MAP3K13: variants seen among roughly 807,000 people sequenced by gnomAD.
The protein encoded by MAP3K13 is leucine zipper-bearing kinase.
Under a neutral mutation model 104.0 loss-of-function variants are expected in MAP3K13, and 52 were observed. That is an observed-to-expected ratio of 0.50 (90% CI 0.40 to 0.63). The LOEUF is 0.63. Among genes scored for constraint, MAP3K13 ranks in the 20% least tolerant of loss-of-function variants. The pLI, the probability that MAP3K13 is intolerant of heterozygous loss-of-function variation, is 0.00. For missense variants in MAP3K13, 914 were observed against 1,218.5 expected, an observed-to-expected ratio of 0.75 and a Z score of 3.72; for synonymous variants, 394 against 442.2, an observed-to-expected ratio of 0.89 and a Z score of 1.37.
chr3:185,391,215 C>T (rs1712035067), intron 1 of MAP3K13, among the ~76,000 whole-genome samples: 1 of 152,164 alleles, frequency 6.6e-6, no homozygotes, highest in African/African-American at 2.4e-5. Context: ...ACCCATTAAC[C>T]AGTAACTCCC....
At chr3:185,310,424 G>C (rs1007611092) in intron 2 of MAP3K13, among the ~76,000 whole-genome samples, 6 of 152,150 alleles carry the variant, frequency 3.9e-5, no homozygotes, top group African/African-American at 1.4e-4. Flanking sequence ...CCCAGACCCA[G>C]AGATGACTCA....
At chr3:185,442,284 A>G (rs183228591) in intron 3 of MAP3K13, among the ~76,000 whole-genome samples, 13 of 151,904 alleles carry the variant, frequency 8.6e-5, no homozygotes, top group Non-Finnish European at 1.8e-4. Context: ...CCTCCCTCCA[A>G]CCTTGTTACG....
intron 1 of MAP3K13, among the ~76,000 whole-genome samples, chr3:185,380,489 G>T (rs1380418497): frequency 7.5e-6 from 1 of 132,458 alleles, no homozygotes; most frequent in Non-Finnish European, 1.5e-5. Context: ...CCAGCCTGGC[G>T]ACAGAGCGAG....
intron 2 of MAP3K13, among the ~76,000 whole-genome samples, chr3:185,290,346 T>C (rs1720687924): frequency 6.6e-6 from 1 of 152,204 alleles, no homozygotes; most frequent in South Asian, 2.1e-4. Context: ...TATAATATTT[T>C]AGTGCGTGCT....
intron 2 of MAP3K13, among the ~76,000 whole-genome samples, chr3:185,326,970 A>G (rs1424730432): frequency 6.6e-6 from 1 of 152,196 alleles, no homozygotes; most frequent in Non-Finnish European, 1.5e-5. Flanking sequence ...AAGTACCTGT[A>G]TTATTTTTCT....
intron 1 of MAP3K13, among the ~76,000 whole-genome samples, chr3:185,368,900 G>A (rs1304101192): frequency 2.6e-5 from 4 of 151,342 alleles, no homozygotes; most frequent in Admixed American, 6.6e-5. Flanking sequence ...CAGAGGTTGC[G>A]GTGAGCCGAG....
rs1717377284 is a variant in MAP3K13 at position 185,465,780 on chromosome 3, G to A, written c.1422G>A (p.Arg474=). The change falls in exon 9 of 14, where the codon CGG becomes CGA. Residue 474 remains arginine, a synonymous_variant. Coordinates refer to ENST00000265026, the MANE Select transcript of MAP3K13 (RefSeq NM_004721.5). The stretch of plus-strand genomic sequence containing the variant: ...TGGATATTCGTGAACACTATGAGCG[G>A]AAGCTTGAGCGGGCGAATAATTTAT... ...HALDIREHYE[R]KLERANNLYM... is the part of the protein sequence containing the mutation. 6.2e-7 allele frequency: 1 copy of A among 1,613,998 alleles called. No individual in the cohort carries two copies. The highest frequency in any genetic ancestry group is 1.3e-5 in the African/African-American group (1 of 74,936).
At chr3:185,392,273 C>A (rs1356245567) in intron 1 of MAP3K13, among the ~76,000 whole-genome samples, 2 of 152,088 alleles carry the variant, frequency 1.3e-5, no homozygotes, top group African/African-American at 4.8e-5. Flanking sequence ...CAGAGGAGAT[C>A]ATTAAAGAGC....
chr3:185,317,101 T>C (rs9827366), intron 2 of MAP3K13, among the ~76,000 whole-genome samples: 118,216 of 152,126 alleles, frequency 0.78, 46,484 homozygotes, highest in Non-Finnish European at 0.84. Flanking sequence ...GTGCCCTTCA[T>C]GTCAACTTCT....
chr3:185,451,194 T>C, intron 6 of MAP3K13, 93 bp from the exon 7 acceptor site: 1 of 840,226 alleles, frequency 1.2e-6, no homozygotes, highest in South Asian at 1.7e-5. Flanking sequence ...ATAGCCATTT[T>C]GAAGTAAACA....
At chr3:185,323,057 CTATT>C (rs1432971063) in intron 2 of MAP3K13, among the ~76,000 whole-genome samples, 1 of 151,792 alleles carries the variant, frequency 6.6e-6, no homozygotes, top group Non-Finnish European at 1.5e-5. Flanking sequence ...AAAAGTCTAT[CTATT>C]GTTTTAATAA....
chr3:185,480,163 G>A, intron 12 of MAP3K13, 69 bp from the exon 13 acceptor site: 3 of 1,434,028 alleles, frequency 2.1e-6, no homozygotes, highest in Non-Finnish European at 2.9e-6. Flanking sequence ...CCACTACTAT[G>A]AGTGACAGAT....
chr3:185,309,227 A>G (rs923290211), intron 2 of MAP3K13, among the ~76,000 whole-genome samples: 1 of 152,172 alleles, frequency 6.6e-6, no homozygotes, highest in Non-Finnish European at 1.5e-5. Context: ...AAAAAGATTG[A>G]GGCTGGATGC....
rs1424607217 is a variant in MAP3K13 at position 185,455,169 on chromosome 3, GAGATATATATGATATATA to G, written c.1278+3775_1278+3792del. Among the ~76,000 whole-genome samples the G allele has an allele frequency of 6.0e-3, 286 of 47,510 alleles. 10 individuals are homozygous for G. The highest frequency in any genetic ancestry group is 0.011 in the Non-Finnish European group (218 of 19,434). 31.2% of individuals were successfully genotyped at this position (47,510 alleles called of 152,430 possible). ...TATGTGAGATATATATGATATATAT[GAGATATATATGATATATA>G]TGAGATATATATATGATATATATGA... On this transcript the variant is annotated intron_variant, in intron 7 of 13. Transcript: ENST00000265026.
intron 2 of MAP3K13, among the ~76,000 whole-genome samples, chr3:185,295,047 G>A (rs1017521859): frequency 1.3e-5 from 2 of 151,742 alleles, no homozygotes; most frequent in Non-Finnish European, 2.9e-5. Context: ...TAATCTTTTT[G>A]GTCCTCCAAT....
intron 1 of MAP3K13, among the ~76,000 whole-genome samples, chr3:185,367,227 T>TA (rs892983271): frequency 6.6e-6 from 1 of 151,956 alleles, no homozygotes; most frequent in Non-Finnish European, 1.5e-5. Flanking sequence ...CCAGGGAACT[T>TA]AAAAAAAATA....
At chr3:185,343,521 T>G (rs945654317) in intron 2 of MAP3K13, among the ~76,000 whole-genome samples, 1 of 152,138 alleles carries the variant, frequency 6.6e-6, no homozygotes, top group African/African-American at 2.4e-5. Context: ...GGTGTGATCT[T>G]GGGTCACTGC....
At chr3:185,311,946 T>A (rs535108070) in intron 2 of MAP3K13, among the ~76,000 whole-genome samples, 1 of 152,354 alleles carries the variant, frequency 6.6e-6, no homozygotes, top group African/African-American at 2.4e-5. Context: ...GCTTCACGTA[T>A]CAACATAGAT....
intron 2 of MAP3K13, among the ~76,000 whole-genome samples, chr3:185,295,682 A>G (rs567313310): frequency 1.5e-5 from 1 of 64,708 alleles, no homozygotes; most frequent in African/African-American, 4.8e-5. Context: ...TCATTCTGTC[A>G]TAAATCACCC....
Sources: gnomAD v4.1 joint callset for allele counts (sites outside exome capture counted in the v4.1 genomes callset) on GRCh38, gnomAD v4.1.1 for gene constraint, MANE v1.5 for transcripts, NCBI Gene and HGNC (gene_info 2026-07-23, HGNC 2026-07-21) for gene names.